STAB2: variants seen among roughly 807,000 people sequenced by gnomAD.
STAB2 encodes the protein stabilin-2.
STAB2 carries 288 observed loss-of-function variants against 338.1 expected under a neutral mutation model. That is an observed-to-expected ratio of 0.85 (90% CI 0.77 to 0.94). The LOEUF (loss-of-function observed/expected upper bound fraction) is 0.94. Among genes scored for constraint, STAB2 ranks in the 40% least tolerant of loss-of-function variants. The probability of loss-of-function intolerance (pLI) is 0.00; values close to 1 mark genes in which losing one functional copy is unlikely to be tolerated. For missense variants in STAB2, 3,141 were observed against 3,210.1 expected, an observed-to-expected ratio of 0.98 and a Z score of 0.52; for synonymous variants, 1,202 against 1,193.3, an observed-to-expected ratio of 1.01 and a Z score of -0.15.
chr12:103,609,410 G>A (rs1342741748), intron 3 of STAB2, among the ~76,000 whole-genome samples: 1 of 152,188 alleles, frequency 6.6e-6, no homozygotes, highest in African/African-American at 2.4e-5. Flanking sequence ...CACATCCCTT[G>A]TAAGTTGGAT....
chr12:103,610,454 G>T (rs1221673589), intron 3 of STAB2, among the ~76,000 whole-genome samples: 3 of 152,136 alleles, frequency 2.0e-5, no homozygotes, highest in Non-Finnish European at 2.9e-5. Flanking sequence ...ATTTCTTCTA[G>T]ATTTTCTAGT....
chr12:103,766,131 C>G, intron 68 of STAB2, 155 bp from the exon 69 acceptor site: 1 of 1,037,060 alleles, frequency 9.6e-7, no homozygotes, highest in Non-Finnish European at 1.5e-6. Context: ...ATCCTGCCTC[C>G]CAACACAAGG....
At chr12:103,712,116 G>A (rs1282588221) in intron 40 of STAB2, among the ~76,000 whole-genome samples, 1 of 152,182 alleles carries the variant, frequency 6.6e-6, no homozygotes, top group African/African-American at 2.4e-5. Flanking sequence ...AAGCTTGGCA[G>A]CTACCCATCT....
At position 103,617,728 on chromosome 12, in the gene STAB2, C is replaced by T. The variant is rs76801977; in HGVS notation, c.332-2740C>T. On this transcript the variant is annotated intron_variant, in intron 3 of 68. Transcript: ENST00000388887. Reference sequence around the variant, plus strand: ...TAGCTACCCATCAGTATTTCTCCCCCTTCCCTTGCCCCACAAACATGCCTG... The same window carrying T: ...TAGCTACCCATCAGTATTTCTCCCCTTTCCCTTGCCCCACAAACATGCCTG... Among the ~76,000 whole-genome samples, 306 of 152,340 alleles carry T rather than the reference C, an allele frequency of 2.0e-3. 2 individuals carry two copies. Among genetic ancestry groups the T allele is most frequent in the African/African-American group, 7.1e-3 (296 of 41,578 alleles).
intron 44 of STAB2, among the ~76,000 whole-genome samples, chr12:103,720,209 A>C (rs1880651543): frequency 6.6e-6 from 1 of 152,166 alleles, no homozygotes; most frequent in African/African-American, 2.4e-5. Flanking sequence ...TCCATGGGCC[A>C]TTCATGTTTT....
chr12:103,597,196 A>G (rs1415797422), intron 3 of STAB2, among the ~76,000 whole-genome samples: 4 of 152,118 alleles, frequency 2.6e-5, no homozygotes, highest in Admixed American at 1.3e-4. Flanking sequence ...TCTACTTGGC[A>G]GTATATTTTA....
chr12:103,669,015 C>T (rs1032138602), intron 20 of STAB2, among the ~76,000 whole-genome samples: 2 of 152,180 alleles, frequency 1.3e-5, no homozygotes, highest in African/African-American at 4.8e-5. Context: ...CACCCCCATT[C>T]CTACCTCAGA....
chr12:103,695,445 A>G (rs1426281422), intron 31 of STAB2, 105 bp from the exon 32 acceptor site: 2 of 977,062 alleles, frequency 2.0e-6, no homozygotes, highest in Non-Finnish European at 3.1e-6. Flanking sequence ...ATGTCAATCC[A>G]TTGAACTGTC....
At chr12:103,661,983 T>C (rs1593196051) in intron 17 of STAB2, among the ~76,000 whole-genome samples, 1 of 151,932 alleles carries the variant, frequency 6.6e-6, no homozygotes, top group East Asian at 1.9e-4. Flanking sequence ...TTGGAGGATT[T>C]TGAACTGAGG....
chr12:103,749,263 A>AT (rs2139168845), intron 59 of STAB2, 107 bp downstream of exon 59: 2 of 1,225,114 alleles, frequency 1.6e-6, no homozygotes, highest in East Asian at 5.2e-5. Context: ...CTTCCTAAAC[A>AT]TTTTTTCTAG....
intron 57 of STAB2, 105 bp from the exon 58 acceptor site, chr12:103,746,492 T>A: frequency 9.6e-7 from 1 of 1,036,314 alleles, no homozygotes; most frequent in Non-Finnish European, 1.5e-6. Flanking sequence ...CAGGGGCACT[T>A]ATGAACACAG....
At chr12:103,753,754 C>T (rs969257391) in intron 61 of STAB2, among the ~76,000 whole-genome samples, 2 of 152,180 alleles carry the variant, frequency 1.3e-5, no homozygotes, top group Non-Finnish European at 2.9e-5. Flanking sequence ...ACTGCCAAGG[C>T]AGAAGTGGAG....
At chr12:103,651,051 C>G (rs769333685) in intron 11 of STAB2, among the ~76,000 whole-genome samples, 1 of 152,116 alleles carries the variant, frequency 6.6e-6, no homozygotes, top group Non-Finnish European at 1.5e-5. Context: ...AAATTTTAGT[C>G]TTCAGTGTGA....
At chr12:103,751,388 G>T (rs1043485321) in intron 60 of STAB2, among the ~76,000 whole-genome samples, 2 of 152,158 alleles carry the variant, frequency 1.3e-5, no homozygotes, top group Admixed American at 6.6e-5. Context: ...GGAGTGAGAT[G>T]AGGTTGAAAG....
In STAB2 at chr12:103,700,849, T is replaced by C. The variant is rs190268009; in HGVS notation, c.3714+1622T>C. Reference sequence around the variant, plus strand: ...AAGTATAGAGAAATGCTTTCTTTTTTTTAATTATTATTATACTTTAAGTTT... The same window carrying C: ...AAGTATAGAGAAATGCTTTCTTTTTCTTAATTATTATTATACTTTAAGTTT... On this transcript the variant is annotated intron_variant, in intron 34 of 68. Coordinates refer to ENST00000388887, the MANE Select transcript of STAB2 (RefSeq NM_017564.10). 5.1e-4 allele frequency among the ~76,000 whole-genome samples: 78 copies of C among 152,316 alleles called. 2 individuals are homozygous for C. The highest frequency in any genetic ancestry group is 3.4e-3 in the Middle Eastern group (1 of 294).
intron 26 of STAB2, among the ~76,000 whole-genome samples, chr12:103,683,931 C>A (rs1394935946): frequency 1.3e-5 from 2 of 152,072 alleles, no homozygotes; most frequent in African/African-American, 2.4e-5. Flanking sequence ...AGAGTCCATG[C>A]AGAAGATAAA....
chr12:103,602,691 C>T (rs1217021320), intron 3 of STAB2, among the ~76,000 whole-genome samples: 1 of 152,080 alleles, frequency 6.6e-6, no homozygotes, highest in African/African-American at 2.4e-5. Context: ...TGCATTTTAA[C>T]CCATTTTAAT....
At chr12:103,718,549 A>C (rs1013943452) in intron 44 of STAB2, among the ~76,000 whole-genome samples, 2 of 152,146 alleles carry the variant, frequency 1.3e-5, no homozygotes, top group African/African-American at 4.8e-5. Context: ...GCTGCCACCA[A>C]CATTTCAAGG....
chr12:103,736,431 G>A (rs557026700), intron 52 of STAB2, among the ~76,000 whole-genome samples: 43 of 152,268 alleles, frequency 2.8e-4, no homozygotes, highest in African/African-American at 1.0e-3. Flanking sequence ...ATTTGAATTA[G>A]AATTGCATTG....
Sources: allele counts gnomAD v4.1 joint callset (sites outside exome capture counted in the v4.1 genomes callset), GRCh38; gene constraint gnomAD v4.1.1; transcripts MANE v1.5; gene names NCBI Gene and HGNC (gene_info 2026-07-23, HGNC 2026-07-21).